Variants in LIN7A observed in about 807,000 individuals in gnomAD.
LIN7A encodes the protein lin-7 cell polarity scaffold A, also known as protein lin-7 homolog A.
LIN7A carries 25 observed loss-of-function variants against 29.8 expected under a neutral mutation model. The ratio of observed to expected loss-of-function variants is 0.84; its 90% confidence interval spans 0.61 to 1.17. The LOEUF is 1.17. LIN7A is among the 50% of genes most tolerant of loss of function. The probability of loss-of-function intolerance (pLI) is 0.00; values close to 1 mark genes in which losing one functional copy is unlikely to be tolerated. For synonymous variants in LIN7A, 118 were observed against 107.5 expected, an observed-to-expected ratio of 1.10 and a Z score of -0.60; for missense variants, 239 against 287.0, an observed-to-expected ratio of 0.83 and a Z score of 1.21.
At chr12:80,846,956 T>G (rs1873105761) in intron 3 of LIN7A, among the ~76,000 whole-genome samples, 2 of 152,238 alleles carry the variant, frequency 1.3e-5, no homozygotes, top group Non-Finnish European at 2.9e-5. Flanking sequence ...TGTGAAAATA[T>G]TTATTCCCAA....
At chr12:80,806,457 C>T (rs1870994008) in intron 5 of LIN7A, among the ~76,000 whole-genome samples, 2 of 152,158 alleles carry the variant, frequency 1.3e-5, no homozygotes, top group South Asian at 4.1e-4. Context: ...ACAGTACTTG[C>T]ATTAAATCTT....
intron 2 of LIN7A, among the ~76,000 whole-genome samples, chr12:80,872,364 CTCT>C (rs1874465824): frequency 6.6e-6 from 1 of 152,092 alleles, no homozygotes; most frequent in African/African-American, 2.4e-5. Flanking sequence ...GAATCTCTTC[CTCT>C]TAACTATTGT....
At chr12:80,841,344 GA>G (rs1430872648) in intron 4 of LIN7A, among the ~76,000 whole-genome samples, 8 of 1,534 alleles carry the variant, frequency 5.2e-3, no homozygotes, top group Admixed American at 0.012. Flanking sequence ...AAGAGGGAGG[GA>G]AGGAAGGAAG....
chr12:80,889,964 C>T (rs1468464817), intron 1 of LIN7A, among the ~76,000 whole-genome samples: 1 of 152,064 alleles, frequency 6.6e-6, no homozygotes, highest in Non-Finnish European at 1.5e-5. Context: ...CCCCTCTGTC[C>T]AATTGGAATT....
At chr12:80,923,338 A>C (rs535361036) in intron 1 of LIN7A, among the ~76,000 whole-genome samples, 103 of 151,968 alleles carry the variant, frequency 6.8e-4, no homozygotes, top group African/African-American at 2.3e-3. Flanking sequence ...AGCCTCCATA[A>C]TTGTGTGAGC....
chr12:80,811,797 A>C, intron 4 of LIN7A, 114 bp from the exon 5 acceptor site: 1 of 1,189,074 alleles, frequency 8.4e-7, no homozygotes, highest in Non-Finnish European at 1.2e-6. Context: ...TTAAGAAAAC[A>C]TGGCAAATGA....
rs374349839 is a variant in LIN7A, at chr12:80,807,063, G to GTTTTTTTTTGTTTTTTTTTTTT, written c.*4401_*4402insAAAAAAAAAAAACAAAAAAAAA. ...CCATAGGAAATTTAATGAAGATGGA[G>GTTTTTTTTTGTTTTTTTTTTTT]TTTTTTTTTTTTTTTTTTTTTTTTT... On this transcript the variant is annotated intron_variant, in intron 5 of 5. Coordinates refer to ENST00000552864, the MANE Select transcript of LIN7A (RefSeq NM_004664.4). Among the ~76,000 whole-genome samples, 97 of 53,574 alleles carry GTTTTTTTTTGTTTTTTTTTTTT rather than the reference G, an allele frequency of 1.8e-3. 11 individuals are homozygous for GTTTTTTTTTGTTTTTTTTTTTT. Among genetic ancestry groups the GTTTTTTTTTGTTTTTTTTTTTT allele is most frequent in the Admixed American group, 6.0e-3 (27 of 4,508 alleles). The allele number at this position is 53,574 out of a possible 152,430, so 35.1% of individuals were successfully genotyped here.
chr12:80,832,425 C>T, intron 4 of LIN7A: 1 of 424,716 alleles, frequency 2.4e-6, no homozygotes, highest in South Asian at 1.7e-5. Flanking sequence ...GGCAAGCTGT[C>T]AATTGCTTTG....
At chr12:80,808,260 G>T (rs1871134363) in intron 5 of LIN7A, among the ~76,000 whole-genome samples, 1 of 152,136 alleles carries the variant, frequency 6.6e-6, no homozygotes, top group African/African-American at 2.4e-5. Context: ...TGATCACACA[G>T]TCAAGTTGCT....
At chr12:80,892,209 A>C (rs1875660795) in intron 1 of LIN7A, among the ~76,000 whole-genome samples, 1 of 152,228 alleles carries the variant, frequency 6.6e-6, no homozygotes. Flanking sequence ...TTGCATCCAC[A>C]GAATTCCACA....
At chr12:80,829,588 G>T (rs1872246616) in intron 4 of LIN7A, among the ~76,000 whole-genome samples, 1 of 151,990 alleles carries the variant, frequency 6.6e-6, no homozygotes, top group African/African-American at 2.4e-5. Context: ...TCATCTAATG[G>T]CTCCTGAGAT....
intron 2 of LIN7A, among the ~76,000 whole-genome samples, chr12:80,886,442 A>G (rs940611036): frequency 6.6e-6 from 1 of 152,032 alleles, no homozygotes. Flanking sequence ...ATATATTGCT[A>G]CTATTATTAT....
At chr12:80,883,609 T>C (rs1487913436) in intron 2 of LIN7A, among the ~76,000 whole-genome samples, 1 of 152,218 alleles carries the variant, frequency 6.6e-6, no homozygotes, top group East Asian at 1.9e-4. Flanking sequence ...TCCTACTCTT[T>C]AATAATGATA....
chr12:80,841,377 A>G (rs1051634520), intron 4 of LIN7A, among the ~76,000 whole-genome samples: 3 of 147,574 alleles, frequency 2.0e-5, no homozygotes, highest in African/African-American at 7.8e-5. Flanking sequence ...GGAAGGAAGG[A>G]AGGAAGGAAG....
At chr12:80,869,544 C>T (rs1465512103) in intron 2 of LIN7A, among the ~76,000 whole-genome samples, 3 of 152,000 alleles carry the variant, frequency 2.0e-5, no homozygotes, top group Non-Finnish European at 4.4e-5. Context: ...GCCATTGGCA[C>T]CCTCTGACTT....
At chr12:80,825,608 C>T (rs1209152271) in intron 4 of LIN7A, among the ~76,000 whole-genome samples, 1 of 152,178 alleles carries the variant, frequency 6.6e-6, no homozygotes, top group East Asian at 1.9e-4. Flanking sequence ...TAGAAAAAGG[C>T]TTAGCCTATA....
rs542442142 is a variant in LIN7A, at chr12:80,901,512, C to T, written c.83-12143G>A. ...TCTACCTTTTATATTGGTAGTGTTC[C>T]ATCTGTGCGCATTGTAAAAATTGAG... is the stretch of plus-strand genomic sequence containing the variant. On this transcript the variant is annotated intron_variant, in intron 1 of 5. Coordinates refer to ENST00000552864, the MANE Select transcript of LIN7A (RefSeq NM_004664.4). 5.4e-5 allele frequency among the ~76,000 whole-genome samples: 8 copies of T among 149,336 alleles called. No homozygotes were observed. In the South Asian group the frequency reaches 1.5e-3, roughly 28 times the overall value.
intron 2 of LIN7A, among the ~76,000 whole-genome samples, chr12:80,884,272 A>C (rs1875216186): frequency 6.6e-6 from 1 of 152,178 alleles, no homozygotes; most frequent in South Asian, 2.1e-4. Context: ...ACCTTTTGCC[A>C]AAGTAGATTT....
At chr12:80,927,791 G>A (rs995144778) in intron 1 of LIN7A, among the ~76,000 whole-genome samples, 2 of 152,078 alleles carry the variant, frequency 1.3e-5, no homozygotes, top group African/African-American at 2.4e-5. Flanking sequence ...CATGTGCCAC[G>A]TTGGTTTGCT....
Sources: allele counts gnomAD v4.1 joint callset (sites outside exome capture counted in the v4.1 genomes callset), GRCh38; gene constraint gnomAD v4.1.1; transcripts MANE v1.5; gene names NCBI Gene and HGNC (gene_info 2026-07-23, HGNC 2026-07-21).